ASAP2: variants seen among roughly 807,000 people sequenced by gnomAD.
ASAP2 encodes the protein ArfGAP with SH3 domain, ankyrin repeat and PH domain 2.
A neutral mutation model predicts 131.4 loss-of-function variants in ASAP2; 45 were observed. The observed-to-expected ratio is 0.34, with a 90% CI of 0.27 to 0.44. The LOEUF is 0.44. ASAP2 is among the 20% of genes least tolerant of loss of function. ASAP2 has a pLI of 1.00. For missense variants in ASAP2, 1,011 were observed against 1,297.0 expected (o/e 0.78, Z 3.39); for synonymous variants, 510 against 503.0 (o/e 1.01, Z -0.19).
At chr2:9,355,928 C>T (rs2148650106) in intron 12 of ASAP2, 119 bp from the exon 13 acceptor site, 1 of 1,249,748 alleles carries the variant, frequency 8.0e-7, no homozygotes, top group Non-Finnish European at 1.2e-6. Flanking sequence ...TTATACAAAT[C>T]AGTAATTTCG....
chr2:9,389,165 G>A lies in ASAP2; in HGVS notation c.2383+619G>A, dbSNP rs6730743. Among the ~76,000 whole-genome samples the A allele has an allele frequency of 0.17, 25,384 of 152,268 alleles. 6,178 individuals carry two copies. Among genetic ancestry groups the A allele is most frequent in the African/African-American group, 0.53 (22,141 of 41,518 alleles). ...AGAAATACGCAAACCAAAGCTCTCA[G>A]AAGTTAAGTAATTTGTTCATTCCTG... On this transcript the variant is annotated intron_variant, in intron 22 of 27. Transcript: ENST00000281419. This position sits in a 1 kb window ranked among gnomAD's most constrained non-coding sequence, Gnocchi z 4.7.
In ASAP2 at chr2:9,351,521, G is replaced by A. The variant is rs778085356; in HGVS notation, c.1111+626G>A. Among the ~76,000 whole-genome samples, 8 of 152,126 alleles carry A rather than the reference G, an allele frequency of 5.3e-5. No homozygotes were observed. In the East Asian group the frequency reaches 1.5e-3, roughly 29 times the overall value. On this transcript the variant is annotated intron_variant, in intron 12 of 27. Coordinates refer to ENST00000281419, the MANE Select transcript of ASAP2 (RefSeq NM_003887.3). ...TAAACCTTTTTTCCTAGGTAGTTCT[G>A]TGTGGCAGGGTTAGAGTCTAGGGGA... is the stretch of plus-strand genomic sequence containing the variant.
At chr2:9,317,227 TCA>T (rs1377919313) in intron 3 of ASAP2, among the ~76,000 whole-genome samples, 4 of 138,092 alleles carry the variant, frequency 2.9e-5, no homozygotes, top group South Asian at 2.4e-4. Flanking sequence ...ACTCACACAA[TCA>T]CACAACCACA....
At chr2:9,337,144 A>G (rs1671257667) in intron 9 of ASAP2, among the ~76,000 whole-genome samples, 1 of 152,256 alleles carries the variant, frequency 6.6e-6, no homozygotes, top group South Asian at 2.1e-4. Context: ...CTGATTGCAC[A>G]GAGGGATCAA....
chr2:9,319,218 C>T (rs1046605259), intron 4 of ASAP2, among the ~76,000 whole-genome samples: 3 of 152,208 alleles, frequency 2.0e-5, no homozygotes, highest in Non-Finnish European at 2.9e-5. Flanking sequence ...GCTGCCCCTG[C>T]GCATCGCCAG....
intron 1 of ASAP2, among the ~76,000 whole-genome samples, chr2:9,238,254 C>G (rs1663693524): frequency 6.6e-6 from 1 of 152,224 alleles, no homozygotes; most frequent in Admixed American, 6.5e-5. Flanking sequence ...CTCCTCTAGT[C>G]TTTGGTAGAC....
intron 7 of ASAP2, among the ~76,000 whole-genome samples, chr2:9,329,984 G>C (rs1670724977): frequency 6.6e-6 from 1 of 152,106 alleles, no homozygotes; most frequent in African/African-American, 2.4e-5. Context: ...TTGTGTCTCT[G>C]TGCCACTGAA....
chr2:9,302,122 CTTTT>C (rs60869426), intron 3 of ASAP2, among the ~76,000 whole-genome samples: 3 of 103,400 alleles, frequency 2.9e-5, no homozygotes, highest in African/African-American at 7.7e-5. Flanking sequence ...CGCGCCCGGC[CTTTT>C]TTTTTTTTTT....
chr2:9,308,956 G>A (rs536677363), intron 3 of ASAP2, among the ~76,000 whole-genome samples: 6 of 152,266 alleles, frequency 3.9e-5, no homozygotes, highest in African/African-American at 1.2e-4. Context: ...TTTCAGATAA[G>A]CGGCCTTTAG....
At chr2:9,289,996 A>T (rs1667712284) in intron 2 of ASAP2, among the ~76,000 whole-genome samples, 1 of 146,908 alleles carries the variant, frequency 6.8e-6, no homozygotes, top group Admixed American at 6.8e-5. Flanking sequence ...AGCCGGTGAG[A>T]GGCATCCTTC....
chr2:9,393,258 T>C (rs1675857597), intron 23 of ASAP2, among the ~76,000 whole-genome samples: 1 of 152,216 alleles, frequency 6.6e-6, no homozygotes, highest in Non-Finnish European at 1.5e-5. Flanking sequence ...AGAAAAATTG[T>C]CATCCTAACT....
At chr2:9,288,837 C>T (rs1667623485) in intron 2 of ASAP2, among the ~76,000 whole-genome samples, 1 of 152,056 alleles carries the variant, frequency 6.6e-6, no homozygotes, top group Non-Finnish European at 1.5e-5. Context: ...GATTTGGTCT[C>T]AGAGCACCCC....
At chr2:9,303,974 G>A (rs569008083) in intron 3 of ASAP2, among the ~76,000 whole-genome samples, 1 of 152,206 alleles carries the variant, frequency 6.6e-6, no homozygotes, top group Non-Finnish European at 1.5e-5. Context: ...TGCTGTATGG[G>A]GCGGTGACCT....
At chr2:9,215,962 T>C (rs1489506566) in intron 1 of ASAP2, among the ~76,000 whole-genome samples, 2 of 152,184 alleles carry the variant, frequency 1.3e-5, no homozygotes, top group Non-Finnish European at 2.9e-5. Flanking sequence ...TACTTGTGCA[T>C]GCCTCAAGAG....
chr2:9,277,000 G>A (rs1337485662), intron 1 of ASAP2, among the ~76,000 whole-genome samples: 1 of 152,180 alleles, frequency 6.6e-6, no homozygotes, highest in African/African-American at 2.4e-5. Flanking sequence ...AAGAGGAGTG[G>A]CTTTTATTAA....
intron 12 of ASAP2, among the ~76,000 whole-genome samples, chr2:9,352,199 T>C (rs1672382458): frequency 6.7e-6 from 1 of 148,522 alleles, no homozygotes; most frequent in Non-Finnish European, 1.5e-5. Flanking sequence ...CCTAACTCTT[T>C]AAAACACACA....
chr2:9,344,978 C>T (rs1671867718), intron 11 of ASAP2, among the ~76,000 whole-genome samples, 178 bp downstream of exon 11: 1 of 143,800 alleles, frequency 7.0e-6, no homozygotes. Context: ...GGTGCACCTG[C>T]AGCCTGTTTA....
intron 16 of ASAP2, among the ~76,000 whole-genome samples, chr2:9,369,175 C>A (rs1267185565): frequency 6.6e-6 from 1 of 152,098 alleles, no homozygotes; most frequent in African/African-American, 2.4e-5. Context: ...CATGCCACCA[C>A]GCCTGGCTAA....
chr2:9,287,328 G>A (rs1667529493), intron 2 of ASAP2, among the ~76,000 whole-genome samples: 1 of 152,240 alleles, frequency 6.6e-6, no homozygotes, highest in African/African-American at 2.4e-5. Flanking sequence ...TGCCCCAAAG[G>A]TGAGCCACAC....
Sources: gnomAD v4.1 joint callset for allele counts (sites outside exome capture counted in the v4.1 genomes callset) on GRCh38, gnomAD v4.1.1 for gene constraint, Gnocchi (gnomAD v3.1) non-coding constraint, MANE v1.5 for transcripts, NCBI Gene and HGNC (gene_info 2026-07-23, HGNC 2026-07-21) for gene names.